The following PNPLA6 variants were observed in gnomAD, a reference collection of about 807,000 sequenced individuals.
PNPLA6 encodes the protein patatin-like phospholipase domain-containing protein 6.
In PNPLA6, 105 loss-of-function variants were observed where a neutral mutation model predicts 153.7. The ratio of observed to expected loss-of-function variants is 0.68; its 90% confidence interval spans 0.58 to 0.80. The LOEUF (loss-of-function observed/expected upper bound fraction) is 0.80. Ranked by LOEUF, PNPLA6 falls within the 30% of genes least tolerant of loss-of-function variation. The pLI, the probability that PNPLA6 is intolerant of heterozygous loss-of-function variation, is 0.00. For synonymous variants in PNPLA6, 825 were observed against 822.2 expected (o/e 1.00, Z -0.06); for missense variants, 1,423 against 1,919.3 (o/e 0.74, Z 4.83).
At chr19:7,550,966 A>G in intron 16 of PNPLA6, 28 bp from the exon 17 acceptor site, 1 of 1,471,212 alleles carries the variant, frequency 6.8e-7, no homozygotes. Context: ...CCACCCAAGC[A>G]GCCCCAATCA....
In PNPLA6 at chr19:7,541,814, T is replaced by C. The variant is rs1273691500; in HGVS notation, c.1168+130T>C. ...GCCCCACAGGGACTCCATAGCGGGG[T>C]ACCCAGGTCTGACTCCTATCTGGTA... On this transcript the variant is annotated intron_variant, in intron 9 of 31. Coordinates refer to ENST00000600737, the MANE Select transcript of PNPLA6 (RefSeq NM_001166114.2). This position sits in a 1 kb window ranked among gnomAD's most constrained non-coding sequence, Gnocchi z 5.2. 8.5e-7 allele frequency: 1 copy of C among 1,177,276 alleles called. No individual in the cohort carries two copies. The highest frequency in any genetic ancestry group is 1.5e-5 in the African/African-American group (1 of 66,218). The allele number at this position is 1,177,276 out of a possible 1,614,324, so 72.9% of individuals were successfully genotyped here.
Position 7,539,942 on chromosome 19 carries a change from G to T in PNPLA6, c.438G>T (p.Thr146=). 6.4e-7 allele frequency: 1 copy of T among 1,558,068 alleles called. No homozygotes were observed. Among genetic ancestry groups the T allele is most frequent in the Non-Finnish European group, 8.7e-7 (1 of 1,152,724 alleles). ...AKKILRIQKE[T]PTLQRKEPPP... ...GGATCCTGCGCATCCAGAAAGAGACGCCCACGCTGCAGCGGAAGGAGCCCC... is the reference window on the plus strand; with the variant it reads ...GGATCCTGCGCATCCAGAAAGAGACTCCCACGCTGCAGCGGAAGGAGCCCC... Residue 146 remains threonine (T), a synonymous_variant, in exon 4 of 32, where the codon ACG becomes ACT. Coordinates refer to ENST00000600737, the MANE Select transcript of PNPLA6 (RefSeq NM_001166114.2).
intron 13 of PNPLA6, among the ~76,000 whole-genome samples, chr19:7,547,883 G>A (rs575338384): frequency 8.0e-6 from 1 of 125,022 alleles, no homozygotes; most frequent in South Asian, 2.5e-4. Flanking sequence ...GGCTGGTCTT[G>A]AACTCCTGGG....
intron 24 of PNPLA6, 81 bp from the exon 25 acceptor site, chr19:7,556,372 G>C (rs1300077882): frequency 2.3e-6 from 2 of 883,666 alleles, no homozygotes; most frequent in East Asian, 2.4e-5. Context: ...CCTAAGTGCT[G>C]CTTGCTCACC....
chr19:7,559,234 G>GAGGAATCCAGGAGGAATCC, intron 28 of PNPLA6, 83 bp downstream of exon 28: 2 of 1,194,416 alleles, frequency 1.7e-6, no homozygotes, highest in Non-Finnish European at 2.5e-6. Context: ...GTATGAGGGG[G>GAGGAATCCAGGAGGAATCC]AGGAATCCAG....
At chr19:7,544,348 G>A (rs1174991062) in intron 13 of PNPLA6, among the ~76,000 whole-genome samples, 1 of 152,054 alleles carries the variant, frequency 6.6e-6, no homozygotes, top group East Asian at 1.9e-4. Flanking sequence ...CTGACCTCAG[G>A]TGATCCGCCT....
At chr19:7,535,516 G>A (rs1356365295), upstream of PNPLA6, 1 of 1,586,842 alleles carries the variant, frequency 6.3e-7, no homozygotes, top group East Asian at 2.3e-5. The surrounding 1 kb of genome is among the most constrained non-coding windows in gnomAD (Gnocchi z 5.0). Flanking sequence ...CAGGACTCCG[G>A]GCTACCAGAT....
At chr19:7,548,884 GCTC>G (rs2023512732) in intron 13 of PNPLA6, among the ~76,000 whole-genome samples, 1 of 146,960 alleles carries the variant, frequency 6.8e-6, no homozygotes, top group African/African-American at 2.5e-5. Context: ...CTCACTGCAA[GCTC>G]CTCCTCCCGG....
Position 7,561,117 on chromosome 19 carries a change from G to T in PNPLA6, c.3913+7G>T. 6.4e-7 allele frequency: 1 copy of T among 1,559,032 alleles called. No individual in the cohort carries two copies. Among genetic ancestry groups the T allele is most frequent in the Non-Finnish European group, 8.6e-7 (1 of 1,158,526 alleles). On this transcript the variant is annotated splice_region_variant and intron_variant, in intron 30 of 31. Coordinates refer to ENST00000600737, the MANE Select transcript of PNPLA6 (RefSeq NM_001166114.2). ...TCTGATGGCTGTGCTGACGGTGAGG[G>T]GCCCAGGGGACCCCCCAAGAGGGAG...
At position 7,535,994 on chromosome 19, in the gene PNPLA6, T is replaced by C. The variant is rs2146037487; in HGVS notation, c.206T>C (p.Leu69Pro). The C allele has an allele frequency of 1.9e-6, 3 of 1,579,684 alleles. No individual in the cohort carries two copies. The highest frequency in any genetic ancestry group is 1.7e-6 in the Non-Finnish European group (2 of 1,164,282). Residue 69 changes from leucine (L) to proline (P), a missense_variant, in exon 1 of 32, where the codon CTG becomes CCG. Physicochemically the swap from Leu to Pro is moderately conservative, Grantham distance 98. Around this residue, in one of 10 missense-constraint regions of PNPLA6, gnomAD observed 109 missense variants for 109.4 expected, o/e 1.00. Transcript: ENST00000600737. This position sits in a 1 kb window ranked among gnomAD's most constrained non-coding sequence, Gnocchi z 5.0. ...AVVVTAVLIL[L>P]VVRRLRVPKT... is the part of the protein sequence containing the mutation. ...GTGGTCACGGCCGTGCTCATCCTCC[T>C]GGTGGTGCGGAGGCTGCGAGTGCCA...
In PNPLA6 at chr19:7,540,290, G is replaced by T; in HGVS notation, c.696G>T (p.Glu232Asp). 1 of 1,606,476 alleles carries T rather than the reference G, an allele frequency of 6.2e-7. No individual in the cohort carries two copies. The change falls in exon 5 of 32, where the codon GAG becomes GAT. Residue 232 changes from glutamate (E) to aspartate (D), a missense_variant. Transcript: ENST00000600737. This position sits in a 1 kb window ranked among gnomAD's most constrained non-coding sequence, Gnocchi z 6.8. ...ACGTGGTGCAGGACGGGCTGCTGGA[G>T]CTCTGTCTGCCAGGGCCTGTGAGTG... ...SIYVVQDGLL[E>D]LCLPGPDGKE...
Position 7,561,566 on chromosome 19 carries a change from C to A in PNPLA6, c.*4C>A. ...CGGCTCAGCCACAGATGCCTGAGGACCTCGACAGGGGTCACCCCCTCCCTC... is the reference window on the plus strand; with the variant it reads ...CGGCTCAGCCACAGATGCCTGAGGAACTCGACAGGGGTCACCCCCTCCCTC... On this transcript the variant is annotated 3_prime_UTR_variant, in exon 32 of 32. Transcript: ENST00000600737. The A allele has an allele frequency of 6.3e-7, 1 of 1,591,052 alleles. No individual in the cohort carries two copies.
rs368442500 is a variant in PNPLA6, at chr19:7,561,001, T to A, written c.3817-13T>A. 6.3e-7 allele frequency: 1 copy of A among 1,594,174 alleles called. No homozygotes were observed. The highest frequency in any genetic ancestry group is 8.6e-7 in the Non-Finnish European group (1 of 1,166,758). On this transcript the variant is annotated splice_polypyrimidine_tract_variant and intron_variant, in intron 29 of 31. Transcript: ENST00000600737. ...GGGCCCCCCCTAAGAGCCTCACCAG[T>A]GTCACCCCACAGGTGCTTGCCTTCC...
rs1283496764 is a variant in PNPLA6 at position 7,555,911 on chromosome 19, G to C, written c.3093+148G>C. On this transcript the variant is annotated intron_variant, in intron 24 of 31. Coordinates refer to ENST00000600737, the MANE Select transcript of PNPLA6 (RefSeq NM_001166114.2). This position sits in a 1 kb window ranked among gnomAD's most constrained non-coding sequence, Gnocchi z 6.3. ...ATCCCCAGCTGTCCGGACTTTTATA[G>C]ATAAGCTTCTAGGACTCTGGGTAAC... The C allele has an allele frequency of 4.6e-6, 4 of 868,846 alleles. No individual in the cohort carries two copies. Among genetic ancestry groups the C allele is most frequent in the Non-Finnish European group, 5.5e-6 (3 of 544,728 alleles). The allele number at this position is 868,846 out of a possible 1,614,324, so 53.8% of individuals were successfully genotyped here.
Position 7,549,995 on chromosome 19 carries a change from C to T in PNPLA6, c.1697C>T (p.Ala566Val), listed in dbSNP as rs1436415879. The T allele has an allele frequency of 3.7e-6, 6 of 1,613,922 alleles. No homozygotes were observed. The highest frequency in any genetic ancestry group is 1.3e-5 in the African/African-American group (1 of 74,946). ...GCGGAGGACGTGTGCCTGTTCGTAG[C>T]GCAGCCCGGGGAACTGGTGGGGCAG... ...DKAEDVCLFVAQPGELVGQLA... is the reference protein window; with the variant it reads ...DKAEDVCLFVVQPGELVGQLA... Residue 566 changes from alanine to valine, a missense_variant, in exon 14 of 32, where the codon GCG (alanine) becomes GTG (valine). Coordinates refer to ENST00000600737, the MANE Select transcript of PNPLA6 (RefSeq NM_001166114.2).
rs1423873968 is a variant in PNPLA6 at position 7,542,932 on chromosome 19, G to A, written c.1530+4G>A. 1 of 1,613,590 alleles carries A rather than the reference G, an allele frequency of 6.2e-7. No individual in the cohort carries two copies. The highest frequency in any genetic ancestry group is 8.5e-7 in the Non-Finnish European group (1 of 1,179,936). On this transcript the variant is annotated splice_donor_region_variant and intron_variant, in intron 12 of 31. Transcript: ENST00000600737. ...GGCCAAGCTGATGCGGATTGAGGTG[G>A]GCAGCCGAGGGGAGCTGGGCACAGG... is the stretch of plus-strand genomic sequence containing the variant.
rs565040490 is a variant in PNPLA6 at position 7,540,880 on chromosome 19, C to T, written c.796-43C>T. The T allele has an allele frequency of 6.2e-7, 1 of 1,612,408 alleles. No homozygotes were observed. On this transcript the variant is annotated intron_variant, in intron 6 of 31. Coordinates refer to ENST00000600737, the MANE Select transcript of PNPLA6 (RefSeq NM_001166114.2). The surrounding 1 kb of genome is among the most constrained non-coding windows in gnomAD (Gnocchi z 6.8). ...TTAGGGGAGTAGCGAGGGGGACTCGCAGCCTCTGCCCTTGTCTCTCTTCAC... is the reference window on the plus strand; with the variant it reads ...TTAGGGGAGTAGCGAGGGGGACTCGTAGCCTCTGCCCTTGTCTCTCTTCAC...
At chr19:7,534,407 C>T (rs2022745384), upstream of PNPLA6, 1 of 161,372 alleles carries the variant, frequency 6.2e-6, no homozygotes, top group South Asian at 1.6e-4. Context: ...CCAGCTGTGC[C>T]CTGAGGTGGA....
intron 13 of PNPLA6, among the ~76,000 whole-genome samples, chr19:7,546,873 C>A (rs530663359): frequency 1.3e-5 from 2 of 151,684 alleles, no homozygotes; most frequent in African/African-American, 4.8e-5. Context: ...GGGTATATAC[C>A]TAGGAGTTGA....
Sources: allele counts gnomAD v4.1 joint callset (sites outside exome capture counted in the v4.1 genomes callset), GRCh38; gene constraint gnomAD v4.1.1; regional missense constraint gnomAD v4.1.1; non-coding constraint Gnocchi (gnomAD v3.1); transcripts MANE v1.5; gene names NCBI Gene and HGNC (gene_info 2026-07-23, HGNC 2026-07-21).